The following QTMAN variants were observed in gnomAD, a reference collection of about 807,000 sequenced individuals.
QTMAN encodes tRNA-queuosine alpha-mannosyltransferase.
At chr2:144,244,947 T>C in the QTMAN span, among the ~76,000 whole-genome samples, 1 of 152,174 alleles carries the variant, frequency 6.6e-6, no homozygotes, top group Non-Finnish European at 1.5e-5. Flanking sequence ...AAGATAAACA[T>C]TCCCTGCTTT....
the QTMAN span, among the ~76,000 whole-genome samples, chr2:143,974,323 C>A: frequency 3.3e-5 from 5 of 151,992 alleles, no homozygotes; most frequent in African/African-American, 1.2e-4. Flanking sequence ...AACTTTTACC[C>A]AAGTATTGCA....
At chr2:144,145,478 G>T in the QTMAN span, 4 of 783,188 alleles carry the variant, frequency 5.1e-6, no homozygotes, top group Non-Finnish European at 8.3e-6. Flanking sequence ...TTTAAAAAAA[G>T]GTGTACAATA....
At chr2:144,286,878 TTTCA>T in the QTMAN span, among the ~76,000 whole-genome samples, 1 of 152,240 alleles carries the variant, frequency 6.6e-6, no homozygotes, top group African/African-American at 2.4e-5. Context: ...TTGCTTTGAC[TTTCA>T]TTATTTTTTT....
chr2:143,972,923 G>C, the QTMAN span, among the ~76,000 whole-genome samples: 1 of 152,268 alleles, frequency 6.6e-6, no homozygotes, highest in African/African-American at 2.4e-5. Context: ...ACTGATGAGA[G>C]TTTTGGATGG....
At chr2:143,944,036 TAAA>T in the QTMAN span, 1 of 151,142 alleles carries the variant, frequency 6.6e-6, no homozygotes, top group African/African-American at 2.4e-5. Context: ...AATCGAGTGT[TAAA>T]AAAAAAGAGG....
the QTMAN span, among the ~76,000 whole-genome samples, chr2:143,974,399 T>C: frequency 1.3e-5 from 2 of 152,244 alleles, no homozygotes; most frequent in African/African-American, 2.4e-5. Context: ...AGTATGTTCA[T>C]AGCAGCATTG....
the QTMAN span, chr2:143,963,836 G>A: frequency 1.9e-4 from 29 of 151,958 alleles, no homozygotes; most frequent in South Asian, 4.0e-3. Flanking sequence ...CAAAGGACTG[G>A]GAGACAGAAG....
the QTMAN span, among the ~76,000 whole-genome samples, chr2:144,217,925 T>C: frequency 1.3e-5 from 2 of 152,214 alleles, no homozygotes; most frequent in East Asian, 3.8e-4. Flanking sequence ...TTATCACACG[T>C]AGGATATATT....
At chr2:144,307,986 G>A in the QTMAN span, among the ~76,000 whole-genome samples, 1 of 152,024 alleles carries the variant, frequency 6.6e-6, no homozygotes, top group Admixed American at 6.5e-5. Flanking sequence ...TTCTCTAATT[G>A]ATATGGAAAT....
At chr2:143,982,159 A>T in the QTMAN span, among the ~76,000 whole-genome samples, 1 of 152,220 alleles carries the variant, frequency 6.6e-6, no homozygotes, top group Non-Finnish European at 1.5e-5. Flanking sequence ...AAGCCTCATG[A>T]AACAAAGTCT....
chr2:143,950,707 A>G, the QTMAN span, among the ~76,000 whole-genome samples: 2 of 151,736 alleles, frequency 1.3e-5, no homozygotes, highest in Non-Finnish European at 3.0e-5. Context: ...ACAGTCTATC[A>G]CATGGGAAAC....
chr2:144,062,951 G>C, the QTMAN span, among the ~76,000 whole-genome samples: 4 of 152,126 alleles, frequency 2.6e-5, no homozygotes, highest in African/African-American at 7.2e-5. Context: ...GATGAGAAAG[G>C]CTCAGAAAGG....
the QTMAN span, among the ~76,000 whole-genome samples, chr2:144,098,335 G>C: frequency 2.0e-5 from 3 of 152,212 alleles, no homozygotes; most frequent in African/African-American, 7.2e-5. Context: ...TCAACAATGT[G>C]AGTAAAGTAC....
the QTMAN span, among the ~76,000 whole-genome samples, chr2:144,270,355 C>T: frequency 1.3e-5 from 2 of 152,100 alleles, no homozygotes; most frequent in African/African-American, 2.4e-5. Context: ...TACATGCACA[C>T]GTATGTTTAT....
At chr2:144,133,526 A>C in the QTMAN span, among the ~76,000 whole-genome samples, 1 of 92,198 alleles carries the variant, frequency 1.1e-5, no homozygotes, top group African/African-American at 4.2e-5. Flanking sequence ...ATATATAAAT[A>C]AATATATATA....
At chr2:143,970,601 T>G in the QTMAN span, 2 of 917,764 alleles carry the variant, frequency 2.2e-6, no homozygotes, top group Non-Finnish European at 3.6e-6. Context: ...ACTTACGTTG[T>G]AGAGCTTATG....
At chr2:144,100,859 CTTTTTTTTTTTTTTTT>C in the QTMAN span, among the ~76,000 whole-genome samples, 3 of 77,920 alleles carry the variant, frequency 3.9e-5, no homozygotes, top group South Asian at 1.4e-3. Context: ...GTCTTTCTTT[CTTTTTTTTTTTTTTTT>C]TTTTTTTTTT....
chr2:143,992,294 G>A, the QTMAN span, among the ~76,000 whole-genome samples: 1 of 148,676 alleles, frequency 6.7e-6, no homozygotes, highest in Admixed American at 6.7e-5. Context: ...ATGGATTAAG[G>A]GCAGTGCAAG....
chr2:144,242,625 C>T, the QTMAN span, among the ~76,000 whole-genome samples: 1 of 151,992 alleles, frequency 6.6e-6, no homozygotes, highest in African/African-American at 2.4e-5. Flanking sequence ...TGTGAAATTC[C>T]CGAAAGTCAA....
Sources: allele counts gnomAD v4.1 joint callset (sites outside exome capture counted in the v4.1 genomes callset), GRCh38; gene constraint gnomAD v4.1.1; transcripts MANE v1.5; gene names NCBI Gene and HGNC (gene_info 2026-07-23, HGNC 2026-07-21).